RYR1: variants seen among roughly 807,000 people sequenced by gnomAD.
The protein encoded by RYR1 is central core disease of muscle.
Under a neutral mutation model 583.5 loss-of-function variants are expected in RYR1, and 342 were observed. That is an observed-to-expected ratio of 0.59 (90% confidence interval 0.54 to 0.64). The LOEUF (loss-of-function observed/expected upper bound fraction) is 0.64, where lower values mean the gene tolerates loss of function less well. Among genes scored for constraint, RYR1 ranks in the 30% least tolerant of loss-of-function variants. The pLI is 0.00. For missense variants in RYR1, 6,032 were observed against 6,917.2 expected (o/e 0.87, Z 4.54); for synonymous variants, 2,791 against 2,822.5 (o/e 0.99, Z 0.35).
At chr19:38,486,776 T>C (rs575173657) in intron 34 of RYR1, among the ~76,000 whole-genome samples, 38 of 152,304 alleles carry the variant, frequency 2.5e-4, no homozygotes, top group Non-Finnish European at 5.0e-4. Flanking sequence ...CCAACCATCA[T>C]TCATCCATCC....
chr19:38,507,018 G>A, intron 57 of RYR1, 66 bp downstream of exon 57: 4 of 1,608,882 alleles, frequency 2.5e-6, no homozygotes, highest in Non-Finnish European at 3.4e-6. Context: ...GCTGGAAGGG[G>A]CGGGGCCAGA....
At chr19:38,494,921 C>G (rs1969745040) in intron 39 of RYR1, among the ~76,000 whole-genome samples, 1 of 145,732 alleles carries the variant, frequency 6.9e-6, no homozygotes, top group South Asian at 2.3e-4. Context: ...GGCGCAATCT[C>G]AGCTCACTGC....
At chr19:38,467,901 C>A in intron 25 of RYR1, 89 bp downstream of exon 25, 1 of 1,262,436 alleles carries the variant, frequency 7.9e-7, no homozygotes, top group Non-Finnish European at 1.1e-6. Flanking sequence ...CTGTGCCTCA[C>A]TCTGTCCCCA....
rs745619519 is a variant in RYR1, at chr19:38,504,762, G to T, written c.8082G>T (p.Glu2694Asp). 17 of 1,614,168 alleles carry T rather than the reference G, an allele frequency of 1.1e-5. No individual in the cohort carries two copies. The highest frequency in any genetic ancestry group is 1.4e-5 in the Non-Finnish European group (16 of 1,180,030). Reference protein sequence around the residue: ...DSLAHKKYDPELYRMAMPCLC... With the variant: ...DSLAHKKYDPDLYRMAMPCLC... ...GGTTTTCCCAGAAATACGACCCGGA[G>T]CTGTACCGCATGGCCATGCCTTGTC... Residue 2694 changes from glutamate to aspartate, a missense_variant, in exon 51 of 106, where the codon GAG (glutamate) becomes GAT (aspartate). Glu to Asp is a conservative substitution (Grantham distance 45). Coordinates refer to ENST00000359596, the MANE Select transcript of RYR1 (RefSeq NM_000540.3).
At chr19:38,532,840 C>G in intron 78 of RYR1, 104 bp downstream of exon 78, 1 of 1,162,940 alleles carries the variant, frequency 8.6e-7, no homozygotes. Context: ...TCTGGGGACA[C>G]AGCAGTGACC....
intron 76 of RYR1, among the ~76,000 whole-genome samples, chr19:38,531,118 G>C (rs1971721177): frequency 6.6e-6 from 1 of 151,570 alleles, no homozygotes; most frequent in African/African-American, 2.4e-5. Context: ...ACAGGCACGA[G>C]CCACCGCGCC....
intron 70 of RYR1, 37 bp from the exon 71 acceptor site, chr19:38,525,295 G>T: frequency 6.2e-7 from 1 of 1,613,428 alleles, no homozygotes; most frequent in Non-Finnish European, 8.5e-7. Flanking sequence ...GCATGGGATT[G>T]GGGCTTGGGC....
Position 38,573,320 on chromosome 19 carries a change from C to T in RYR1, c.14129+13C>T, listed in dbSNP as rs368032372. 3.1e-6 allele frequency: 5 copies of T among 1,611,970 alleles called. No homozygotes were observed. Among genetic ancestry groups the T allele is most frequent in the Non-Finnish European group, 4.2e-6 (5 of 1,179,046 alleles). ...TGCTCAACACGCCGTAAGGACCCAG[C>T]CCCCACCTCAGGGTGGCAGCAGGAG... On this transcript the variant is annotated intron_variant, in intron 96 of 105. Transcript: ENST00000359596.
At chr19:38,441,945 G>C (rs1465794236) in intron 2 of RYR1, among the ~76,000 whole-genome samples, 1 of 151,884 alleles carries the variant, frequency 6.6e-6, no homozygotes, top group African/African-American at 2.4e-5. Flanking sequence ...TTTGGGGTTG[G>C]AGGGATGTGG....
intron 63 of RYR1, among the ~76,000 whole-genome samples, chr19:38,513,726 ACT>A (rs1432277345): frequency 6.7e-6 from 1 of 149,210 alleles, no homozygotes; most frequent in Non-Finnish European, 1.5e-5. Context: ...ACAGAGCAAG[ACT>A]CCATCTCAAA....
intron 20 of RYR1, among the ~76,000 whole-genome samples, chr19:38,462,155 G>C (rs561870496): frequency 6.6e-6 from 1 of 152,160 alleles, no homozygotes; most frequent in Non-Finnish European, 1.5e-5. Flanking sequence ...GCAAAGGTTT[G>C]GTTTTCAGTC....
rs80096436 is a variant in RYR1 at position 38,492,306 on chromosome 19, A to T, written c.6128-184A>T. Among the ~76,000 whole-genome samples the T allele has an allele frequency of 0.075, 11,209 of 150,352 alleles. 549 individuals carry two copies. Among genetic ancestry groups the T allele is most frequent in the South Asian group, 0.18 (878 of 4,746 alleles). ...CTTGAGCCTAGGAGGCAGAGGTTGC[A>T]GTGAGTTGACATCATGCTACTGCTC... On this transcript the variant is annotated intron_variant, in intron 37 of 105. Coordinates refer to ENST00000359596, the MANE Select transcript of RYR1 (RefSeq NM_000540.3).
intron 102 of RYR1, among the ~76,000 whole-genome samples, chr19:38,585,674 G>T (rs1354002395): frequency 1.3e-5 from 2 of 151,562 alleles, no homozygotes; most frequent in African/African-American, 4.9e-5. Context: ...GTAGTGAGGG[G>T]GTTTCACCAT....
chr19:38,435,185 A>T (rs1365430735), intron 1 of RYR1, among the ~76,000 whole-genome samples: 4 of 152,182 alleles, frequency 2.6e-5, no homozygotes, highest in African/African-American at 9.7e-5. Context: ...GTAGGGTCCT[A>T]TCTTTATCTC....
intron 70 of RYR1, 52 bp from the exon 71 acceptor site, chr19:38,525,280 C>T: frequency 6.2e-7 from 1 of 1,609,074 alleles, no homozygotes; most frequent in Non-Finnish European, 8.5e-7. Context: ...CGGGTTGGGG[C>T]TGAGGCATGG....
At chr19:38,528,797 G>A (rs1475240158) in intron 75 of RYR1, 102 bp downstream of exon 75, 17 of 1,439,218 alleles carry the variant, frequency 1.2e-5, no homozygotes, top group Non-Finnish European at 1.7e-5. Flanking sequence ...CACATCAAGG[G>A]GTATAGAAAT....
chr19:38,434,523 C>T (rs1445960691), intron 1 of RYR1, among the ~76,000 whole-genome samples: 2 of 152,180 alleles, frequency 1.3e-5, no homozygotes, highest in Admixed American at 6.5e-5. Context: ...CCATCTCAGT[C>T]TCCCTGTCTC....
intron 93 of RYR1, among the ~76,000 whole-genome samples, 183 bp downstream of exon 93, chr19:38,568,100 C>T (rs1973530488): frequency 6.6e-6 from 1 of 152,170 alleles, no homozygotes; most frequent in South Asian, 2.1e-4. Flanking sequence ...TTTCAGATGG[C>T]CCTCACTTGG....
At chr19:38,557,037 C>T (rs971699625) in intron 89 of RYR1, among the ~76,000 whole-genome samples, 2 of 145,350 alleles carry the variant, frequency 1.4e-5, no homozygotes, top group African/African-American at 2.5e-5. Context: ...TGCAAAATGG[C>T]GATAGTCTCA....
Sources: allele counts gnomAD v4.1 joint callset (sites outside exome capture counted in the v4.1 genomes callset), GRCh38; gene constraint gnomAD v4.1.1; transcripts MANE v1.5; gene names NCBI Gene and HGNC (gene_info 2026-07-23, HGNC 2026-07-21).